Variants in GLRA2 observed in about 807,000 individuals in gnomAD.
GLRA2 encodes the protein glycine receptor subunit alpha-2.
In GLRA2, 11 loss-of-function variants were observed where a neutral mutation model predicts 31.6. The observed-to-expected ratio is 0.35, with a 90% CI of 0.22 to 0.58. The LOEUF is 0.58. GLRA2 is among the 20% of genes least tolerant of loss of function. The pLI is 0.84. For missense variants in GLRA2, 212 were observed against 351.8 expected, an observed-to-expected ratio of 0.60 and a Z score of 3.18; for synonymous variants, 132 against 134.0, an observed-to-expected ratio of 0.99 and a Z score of 0.10.
intron 4 of GLRA2, among the ~76,000 whole-genome samples, chrX:14,590,368 G>T (rs1295058217): frequency 9.0e-6 from 1 of 111,364 alleles, no homozygotes; most frequent in Non-Finnish European, 1.9e-5. Flanking sequence ...AAACAATCTT[G>T]TCTAATGACC....
At chrX:14,727,568 A>C (rs773472014) in intron 8 of GLRA2, among the ~76,000 whole-genome samples, 21 of 112,368 alleles carry the variant, frequency 1.9e-4, no homozygotes, top group Non-Finnish European at 3.4e-4. Context: ...CTAAGCACTG[A>C]GTAAGTCTTC....
At chrX:14,651,097 C>T (rs1334194006) in intron 7 of GLRA2, among the ~76,000 whole-genome samples, 1 of 111,757 alleles carries the variant, frequency 8.9e-6, no homozygotes, top group African/African-American at 3.3e-5. Flanking sequence ...GTGTAGTATT[C>T]GCTGTAGTGT....
At chrX:14,638,717 A>G (rs2090741405) in intron 7 of GLRA2, among the ~76,000 whole-genome samples, 1 of 111,429 alleles carries the variant, frequency 9.0e-6, no homozygotes, top group Non-Finnish European at 1.9e-5. Flanking sequence ...ATATAAATAG[A>G]AAGTATAATA....
chrX:14,625,008 G>A, intron 7 of GLRA2, among the ~76,000 whole-genome samples: 1 of 111,627 alleles, frequency 9.0e-6, no homozygotes, highest in African/African-American at 3.3e-5. Flanking sequence ...GGTCTCTAAA[G>A]ACTTGCTTTA....
intron 8 of GLRA2, among the ~76,000 whole-genome samples, chrX:14,717,313 T>G (rs1347327889): frequency 2.8e-5 from 3 of 105,553 alleles, no homozygotes; most frequent in Non-Finnish European, 3.9e-5. Flanking sequence ...ACTCTTCTTT[T>G]ATCCTTCTGC....
the GLRA2 span, among the ~76,000 whole-genome samples, chrX:14,512,020 G>A: frequency 8.9e-6 from 1 of 111,794 alleles, no homozygotes; most frequent in Non-Finnish European, 1.9e-5. Flanking sequence ...AAGAGGATAA[G>A]TGGGTTTATG....
At chrX:14,557,209 G>A (rs1293892555) in intron 2 of GLRA2, among the ~76,000 whole-genome samples, 2 of 97,831 alleles carry the variant, frequency 2.0e-5, no homozygotes, top group African/African-American at 7.7e-5. Flanking sequence ...TCCGCCTCCT[G>A]GGTTCACGCC....
intron 8 of GLRA2, among the ~76,000 whole-genome samples, chrX:14,708,765 C>T (rs766783570): frequency 9.0e-6 from 1 of 111,362 alleles, no homozygotes; most frequent in Non-Finnish European, 1.9e-5. Flanking sequence ...GGAGAAACCC[C>T]GTCTCTACTA....
intron 7 of GLRA2, among the ~76,000 whole-genome samples, chrX:14,685,685 C>T (rs1358275785): frequency 9.0e-5 from 10 of 111,245 alleles, no homozygotes; most frequent in South Asian, 3.8e-4. Context: ...TTTTTTATTG[C>T]GTCTATTTGA....
chrX:14,622,444 A>G (rs2090532248), intron 7 of GLRA2, among the ~76,000 whole-genome samples: 1 of 111,929 alleles, frequency 8.9e-6, no homozygotes, highest in South Asian at 3.8e-4. Context: ...GCCCATGCCT[A>G]TGTCCTGAAT....
chrX:14,551,204 C>G (rs1377256438), intron 2 of GLRA2, among the ~76,000 whole-genome samples: 1 of 111,360 alleles, frequency 9.0e-6, no homozygotes, highest in East Asian at 2.8e-4. Context: ...GCCCTCAGTG[C>G]TATTAGTGGG....
the GLRA2 span, among the ~76,000 whole-genome samples, chrX:14,462,090 T>G: frequency 8.9e-6 from 1 of 111,924 alleles, no homozygotes; most frequent in African/African-American, 3.3e-5. Flanking sequence ...CGGATTTTAT[T>G]TCTCCTTTGC....
intron 7 of GLRA2, among the ~76,000 whole-genome samples, chrX:14,615,033 G>A (rs868850180): frequency 1.2e-4 from 13 of 111,923 alleles, no homozygotes; most frequent in Admixed American, 4.7e-4. Context: ...TATGTGCAGC[G>A]TCTCCCTTTA....
chrX:14,705,095 A>AATGAAACAGAGATT (rs1266384441), intron 8 of GLRA2, among the ~76,000 whole-genome samples: 26 of 112,288 alleles, frequency 2.3e-4, no homozygotes, highest in Non-Finnish European at 1.3e-4. Flanking sequence ...ATTGTCAGTA[A>AATGAAACAGAGATT]ATGAAACAGA....
intron 2 of GLRA2, among the ~76,000 whole-genome samples, chrX:14,566,733 C>T (rs1056827720): frequency 3.3e-4 from 37 of 111,507 alleles, no homozygotes; most frequent in African/African-American, 1.1e-3. Flanking sequence ...AGAGACCATT[C>T]AGACATTTGC....
intron 3 of GLRA2, among the ~76,000 whole-genome samples, chrX:14,577,398 G>A (rs2147061264): frequency 8.8e-6 from 1 of 113,087 alleles, no homozygotes; most frequent in Non-Finnish European, 1.9e-5. Context: ...GCTCCAACAA[G>A]AAAGGGCCTC....
chrX:14,576,374 C>A (rs2089958468), intron 3 of GLRA2, among the ~76,000 whole-genome samples: 1 of 111,044 alleles, frequency 9.0e-6, no homozygotes, highest in Non-Finnish European at 1.9e-5. Flanking sequence ...AAAAGCTAAA[C>A]ACAGAAAGAG....
At chrX:14,498,535 A>G in the GLRA2 span, among the ~76,000 whole-genome samples, 1 of 110,916 alleles carries the variant, frequency 9.0e-6, no homozygotes, top group East Asian at 2.8e-4. Flanking sequence ...GTAATTTAAT[A>G]TATTTGTATA....
intron 2 of GLRA2, among the ~76,000 whole-genome samples, chrX:14,537,714 T>G (rs748009032): frequency 2.3e-4 from 25 of 110,898 alleles, no homozygotes; most frequent in African/African-American, 8.1e-4. Flanking sequence ...ATAATTTGAA[T>G]GAGAGTATTT....
Sources: gnomAD v4.1 joint callset for allele counts (sites outside exome capture counted in the v4.1 genomes callset) on GRCh38, gnomAD v4.1.1 for gene constraint, MANE v1.5 for transcripts, NCBI Gene and HGNC (gene_info 2026-07-23, HGNC 2026-07-21) for gene names.